The following PTPRT variants were observed in gnomAD, a reference collection of about 807,000 sequenced individuals.
PTPRT encodes the protein receptor-type tyrosine-protein phosphatase T.
A neutral mutation model predicts 176.8 loss-of-function variants in PTPRT; 56 were observed. The observed-to-expected ratio is 0.32, with a 90% CI of 0.26 to 0.40. PTPRT has a LOEUF of 0.40. Ranked by LOEUF, PTPRT falls within the 10% of genes least tolerant of loss-of-function variation. PTPRT has a pLI of 1.00. For missense variants in PTPRT, 1,540 were observed against 1,908.2 expected, an observed-to-expected ratio of 0.81 and a Z score of 3.60; for synonymous variants, 783 against 739.0, an observed-to-expected ratio of 1.06 and a Z score of -0.96.
At chr20:42,081,517 T>C (rs552171094) in intron 30 of PTPRT, among the ~76,000 whole-genome samples, 2 of 152,354 alleles carry the variant, frequency 1.3e-5, no homozygotes, top group Non-Finnish European at 2.9e-5. Context: ...ATGCTCTCTA[T>C]TGTAAAAATT....
At chr20:42,319,956 A>T (rs1335655122) in intron 11 of PTPRT, among the ~76,000 whole-genome samples, 1 of 152,166 alleles carries the variant, frequency 6.6e-6, no homozygotes, top group Non-Finnish European at 1.5e-5. Flanking sequence ...CAATAACATG[A>T]GAGAAGAATA....
chr20:42,932,793 G>A (rs568918778), intron 1 of PTPRT, among the ~76,000 whole-genome samples: 10 of 152,292 alleles, frequency 6.6e-5, no homozygotes, highest in East Asian at 3.9e-4. Context: ...TGAAACAACC[G>A]CTCCACCTTC....
intron 6 of PTPRT, among the ~76,000 whole-genome samples, chr20:42,748,713 G>A (rs540085580): frequency 1.2e-4 from 19 of 152,168 alleles, no homozygotes; most frequent in Non-Finnish European, 2.4e-4. Context: ...CCTGGGGAGC[G>A]GGGGGTTACA....
At chr20:42,095,807 A>G (rs1985150498) in intron 27 of PTPRT, among the ~76,000 whole-genome samples, 1 of 152,146 alleles carries the variant, frequency 6.6e-6, no homozygotes, top group Admixed American at 6.5e-5. Context: ...AAGCACCTAG[A>G]ATAGCTTCCA....
chr20:42,143,458 G>A (rs986703697), intron 17 of PTPRT, among the ~76,000 whole-genome samples: 6 of 151,940 alleles, frequency 3.9e-5, no homozygotes, highest in Non-Finnish European at 7.4e-5. Context: ...TTGGGAGGCT[G>A]AGGCAGGAGA....
intron 7 of PTPRT, among the ~76,000 whole-genome samples, chr20:42,674,949 G>T (rs899636231): frequency 4.7e-5 from 7 of 150,140 alleles, no homozygotes; most frequent in African/African-American, 1.8e-4. Flanking sequence ...AGCACAACAC[G>T]AATTCTGCAT....
intron 1 of PTPRT, among the ~76,000 whole-genome samples, chr20:42,987,338 G>T (rs933687165): frequency 6.6e-6 from 1 of 152,140 alleles, no homozygotes; most frequent in Non-Finnish European, 1.5e-5. Context: ...TTCCTCAGTC[G>T]CACGAGCCAC....
chr20:42,737,103 A>G, intron 6 of PTPRT, among the ~76,000 whole-genome samples: 1 of 152,210 alleles, frequency 6.6e-6, no homozygotes, highest in Non-Finnish European at 1.5e-5. Context: ...CTGGTACCTG[A>G]GAATGTGGCC....
chr20:42,618,995 G>A (rs879939912), intron 7 of PTPRT, among the ~76,000 whole-genome samples: 1 of 151,408 alleles, frequency 6.6e-6, no homozygotes, highest in Non-Finnish European at 1.5e-5. Flanking sequence ...GATGTTAGCT[G>A]GTGATTTTGC....
intron 25 of PTPRT, among the ~76,000 whole-genome samples, chr20:42,102,792 T>C (rs1279066731): frequency 6.6e-6 from 1 of 152,206 alleles, no homozygotes; most frequent in African/African-American, 2.4e-5. Flanking sequence ...TCAGGATAGA[T>C]GAGAGACCTC....
intron 6 of PTPRT, among the ~76,000 whole-genome samples, chr20:42,690,492 A>G (rs1407701397): frequency 1.3e-5 from 2 of 152,152 alleles, no homozygotes; most frequent in African/African-American, 4.8e-5. Context: ...TTGGTCATGG[A>G]TTGAATGTAA....
intron 8 of PTPRT, among the ~76,000 whole-genome samples, chr20:42,458,685 T>C (rs1346132217): frequency 2.6e-5 from 4 of 152,194 alleles, no homozygotes; most frequent in African/African-American, 9.7e-5. Flanking sequence ...ATCTGCTCTA[T>C]CCGAATGATG....
At chr20:42,824,284 G>A (rs529699027) in intron 2 of PTPRT, among the ~76,000 whole-genome samples, 27 of 152,178 alleles carry the variant, frequency 1.8e-4, no homozygotes, top group South Asian at 4.1e-4. Context: ...CATTTGAAAG[G>A]AGACACAAAG....
chr20:42,517,990 C>G (rs2072100886), intron 7 of PTPRT, among the ~76,000 whole-genome samples: 1 of 151,842 alleles, frequency 6.6e-6, no homozygotes, highest in Non-Finnish European at 1.5e-5. Context: ...ATATATTCTC[C>G]TGATTAAAAT....
intron 1 of PTPRT, among the ~76,000 whole-genome samples, chr20:42,912,797 G>A (rs559875177): frequency 7.2e-5 from 11 of 152,196 alleles, no homozygotes; most frequent in Middle Eastern, 3.4e-3. Flanking sequence ...ATCTACTCCC[G>A]GATGTCCTAT....
chr20:42,229,933 G>C (rs1188362214), intron 15 of PTPRT, among the ~76,000 whole-genome samples: 1 of 151,848 alleles, frequency 6.6e-6, no homozygotes, highest in Non-Finnish European at 1.5e-5. Flanking sequence ...AATTCATCTT[G>C]TTCCTTCACT....
chr20:42,179,696 A>C (rs2146581977), intron 16 of PTPRT, among the ~76,000 whole-genome samples: 1 of 152,352 alleles, frequency 6.6e-6, no homozygotes, highest in South Asian at 2.1e-4. Flanking sequence ...ATGCTTTCAG[A>C]AAACAATGAC....
chr20:43,097,017 T>C (rs1027664102), intron 1 of PTPRT, among the ~76,000 whole-genome samples: 3 of 152,184 alleles, frequency 2.0e-5, no homozygotes, highest in Non-Finnish European at 4.4e-5. Flanking sequence ...TCAGCGACCA[T>C]AAATCTACTT....
At chr20:42,081,672 T>C (rs1983343067) in intron 30 of PTPRT, among the ~76,000 whole-genome samples, 1 of 152,148 alleles carries the variant, frequency 6.6e-6, no homozygotes, top group Non-Finnish European at 1.5e-5. Context: ...TGTACCAGGA[T>C]TAGTAATTGG....
Sources: allele counts gnomAD v4.1 joint callset (sites outside exome capture counted in the v4.1 genomes callset), GRCh38; gene constraint gnomAD v4.1.1; transcripts MANE v1.5; gene names NCBI Gene and HGNC (gene_info 2026-07-23, HGNC 2026-07-21).